Variants in BAZ1B observed in about 807,000 individuals in gnomAD.
BAZ1B encodes tyrosine-protein kinase BAZ1B.
BAZ1B carries 22 observed loss-of-function variants against 153.8 expected under a neutral mutation model. The ratio of observed to expected loss-of-function variants is 0.14; its 90% confidence interval spans 0.10 to 0.20. The LOEUF is 0.20. Among genes scored for constraint, BAZ1B ranks in the 10% least tolerant of loss-of-function variants. The pLI is 1.00. For missense variants in BAZ1B, 1,325 were observed against 1,799.3 expected (o/e 0.74, Z 4.77); for synonymous variants, 676 against 633.4 (o/e 1.07, Z -1.01).
intron 1 of BAZ1B, among the ~76,000 whole-genome samples, chr7:73,517,890 T>C (rs1007632815): frequency 1.3e-5 from 2 of 152,234 alleles, no homozygotes; most frequent in Non-Finnish European, 2.9e-5. Flanking sequence ...AAGTACTTGA[T>C]ATCCTGAAAA....
intron 6 of BAZ1B, among the ~76,000 whole-genome samples, 175 bp from the exon 7 acceptor site, chr7:73,478,744 T>C (rs1304819257): frequency 1.3e-5 from 2 of 152,232 alleles, no homozygotes; most frequent in Non-Finnish European, 2.9e-5. Flanking sequence ...GCTAATGTTT[T>C]TGTCATGTCA....
At chr7:73,492,640 A>G (rs1306476761) in intron 5 of BAZ1B, among the ~76,000 whole-genome samples, 160 bp downstream of exon 5, 1 of 152,258 alleles carries the variant, frequency 6.6e-6, no homozygotes, top group Non-Finnish European at 1.5e-5. Flanking sequence ...TATAATTTAC[A>G]TTAACTTGAA....
chr7:73,515,457 C>G lies in BAZ1B; in HGVS notation c.108-4605G>C, dbSNP rs142247352. Among the ~76,000 whole-genome samples, 350 of 151,664 alleles carry G rather than the reference C, an allele frequency of 2.3e-3. 2 individuals carry two copies. The highest frequency in any genetic ancestry group is 8.3e-3 in the African/African-American group (344 of 41,358). On this transcript the variant is annotated intron_variant, in intron 1 of 19. Coordinates refer to ENST00000339594, the MANE Select transcript of BAZ1B (RefSeq NM_032408.4). ...GGCTTAAAGTCATGATGTCTTCTAGCTCTTTCTTTGTGCCACTAGCAAACT... is the reference window on the plus strand; with the variant it reads ...GGCTTAAAGTCATGATGTCTTCTAGGTCTTTCTTTGTGCCACTAGCAAACT...
intron 7 of BAZ1B, among the ~76,000 whole-genome samples, chr7:73,472,784 G>C (rs1788858560): frequency 6.7e-6 from 1 of 149,804 alleles, no homozygotes; most frequent in Non-Finnish European, 1.5e-5. Flanking sequence ...TTGAGATGGA[G>C]TCTCGCTCTA....
Position 73,477,665 on chromosome 7 carries a change from G to T in BAZ1B, c.1796C>A (p.Pro599His). Residue 599 changes from proline (P) to histidine (H), a missense_variant, in exon 7 of 20, where the codon CCT becomes CAT. Physicochemically the swap from Pro to His is moderately conservative, Grantham distance 77 (BLOSUM62 -2). Transcript: ENST00000339594. The surrounding 1 kb of genome is among the most constrained non-coding windows in gnomAD (Gnocchi z 5.6). ...NLPAFRLVDT[P>H]EGLPNTLFGD... ...AAACAGCGTGTTGGGCAGCCCTTCA[G>T]GGGTATCCACCAATCTGAATGCTGG... 2 of 1,614,206 alleles carry T rather than the reference G, an allele frequency of 1.2e-6. No homozygotes were observed. The highest frequency in any genetic ancestry group is 1.7e-6 in the Non-Finnish European group (2 of 1,180,042).
At chr7:73,457,185 C>T (rs1788238506) in intron 13 of BAZ1B, among the ~76,000 whole-genome samples, 1 of 151,756 alleles carries the variant, frequency 6.6e-6, no homozygotes, top group Non-Finnish European at 1.5e-5. Context: ...GGTTGTTTTT[C>T]TTGTTTTTTT....
Position 73,465,430 on chromosome 7 carries a change from A to ACAG in BAZ1B, c.3071+8_3071+9insCTG. 6.5e-7 allele frequency: 1 copy of ACAG among 1,536,662 alleles called. No individual in the cohort carries two copies. Among genetic ancestry groups the ACAG allele is most frequent in the Non-Finnish European group, 8.9e-7 (1 of 1,129,840 alleles). On this transcript the variant is annotated intron_variant, in intron 11 of 19. Coordinates refer to ENST00000339594, the MANE Select transcript of BAZ1B (RefSeq NM_032408.4). ...GTAAGATGTGAGGAGTAAGATGAAA[A>ACAG]CCTCTTACCTCTTCTCTAGTCTCTC...
intron 13 of BAZ1B, among the ~76,000 whole-genome samples, chr7:73,455,057 T>A (rs1178975): frequency 0.013 from 1,904 of 148,658 alleles, 42 homozygotes; most frequent in African/African-American, 0.044. Context: ...CATTTTTTCT[T>A]TTTTTTTTTA....
intron 1 of BAZ1B, among the ~76,000 whole-genome samples, chr7:73,511,096 G>A (rs545839460): frequency 1.3e-3 from 199 of 151,364 alleles, no homozygotes; most frequent in African/African-American, 4.4e-3. Context: ...GTGAAACCCC[G>A]TGTCTACTAA....
intron 9 of BAZ1B, among the ~76,000 whole-genome samples, chr7:73,467,431 G>A (rs1273687684): frequency 2.0e-5 from 3 of 151,856 alleles, no homozygotes; most frequent in East Asian, 1.9e-4. Flanking sequence ...GTGCAGTGGC[G>A]CAATCTTGGC....
chr7:73,452,308 T>C (rs1007292117), intron 13 of BAZ1B, among the ~76,000 whole-genome samples: 6 of 152,232 alleles, frequency 3.9e-5, no homozygotes, highest in African/African-American at 7.2e-5. Flanking sequence ...TGAATAGACA[T>C]TGCACATGCT....
intron 3 of BAZ1B, among the ~76,000 whole-genome samples, chr7:73,504,563 C>G (rs1470623358): frequency 1.3e-5 from 2 of 152,034 alleles, no homozygotes; most frequent in African/African-American, 4.8e-5. Flanking sequence ...ACTTGGGAGG[C>G]TGAGGCAGGA....
chr7:73,511,261 G>A (rs1340704670), intron 1 of BAZ1B, among the ~76,000 whole-genome samples: 7 of 151,678 alleles, frequency 4.6e-5, no homozygotes, highest in South Asian at 2.1e-4. Flanking sequence ...GTGCGGCTCC[G>A]TCTCAAAAAC....
At chr7:73,476,735 C>T in intron 7 of BAZ1B, 133 bp downstream of exon 7, 1 of 1,390,900 alleles carries the variant, frequency 7.2e-7, no homozygotes, top group East Asian at 2.4e-5. Flanking sequence ...AAATAAAATA[C>T]ATACCAATAG....
At chr7:73,469,696 T>G (rs782033080) in intron 8 of BAZ1B, 46 bp from the exon 9 acceptor site, 11 of 1,605,566 alleles carry the variant, frequency 6.9e-6, no homozygotes, top group Admixed American at 3.3e-5. Context: ...TAGATCAGGA[T>G]TGCAGGATGA....
At position 73,466,363 on chromosome 7, in the gene BAZ1B, T is replaced by G. The variant is rs1554571163; in HGVS notation, c.2905A>C (p.Thr969Pro). 1 of 1,614,036 alleles carries G rather than the reference T, an allele frequency of 6.2e-7. No homozygotes were observed. The highest frequency in any genetic ancestry group is 1.7e-5 in the Admixed American group (1 of 60,024). The change falls in exon 10 of 20, where the codon ACA becomes CCA. Residue 969 changes from threonine to proline, a missense_variant. Around this residue, in one of 9 missense-constraint regions of BAZ1B, gnomAD observed 431 missense variants for 563.5 expected, o/e 0.76. Coordinates refer to ENST00000339594, the MANE Select transcript of BAZ1B (RefSeq NM_032408.4). ...ACTTCTGTTGCTGTTCCATGTTGTG[T>G]GTTCATGCTTGCATTTTTACCTAAG... is the stretch of plus-strand genomic sequence containing the variant. ...ANLGKNASMN[T>P]QHGTATEVAV...
chr7:73,512,706 C>T (rs782553625), intron 1 of BAZ1B, among the ~76,000 whole-genome samples: 17 of 152,334 alleles, frequency 1.1e-4, no homozygotes, highest in Non-Finnish European at 1.8e-4. Context: ...AGAAAATCAA[C>T]TGACATAAGT....
At position 73,444,030 on chromosome 7, in the gene BAZ1B, G is replaced by C; in HGVS notation, c.3944C>G (p.Ser1315Cys). ...ATCCACAGGTGGTGCCTTGGGCTGA[G>C]ACCTCCTGGTAGAGTGTGGCTTCTT... is the stretch of plus-strand genomic sequence containing the variant. The part of the protein sequence containing the change: ...PGKKPHSTRR[S>C]QPKAPPVDDA... Residue 1315 changes from serine (S) to cysteine (C), a missense_variant, in exon 17 of 20, where the codon TCT becomes TGT. Physicochemically the swap from Ser to Cys is moderately radical, Grantham distance 112 (BLOSUM62 -1). Coordinates refer to ENST00000339594, the MANE Select transcript of BAZ1B (RefSeq NM_032408.4). The C allele has an allele frequency of 6.2e-7, 1 of 1,613,916 alleles. No individual in the cohort carries two copies. The highest frequency in any genetic ancestry group is 8.5e-7 in the Non-Finnish European group (1 of 1,179,932).
rs782438733 is a variant in BAZ1B, at chr7:73,442,421, C to T, written c.4227G>A (p.Lys1409=). 3 of 1,614,248 alleles carry T rather than the reference C, an allele frequency of 1.9e-6. No homozygotes were observed. In the Admixed American group the frequency reaches 5.0e-5, roughly 27 times the overall value. The part of the protein sequence containing the change: ...RSVQEFLTDM[K]QVFTNAEVYN... ...AAACCTCAGCATTGGTAAACACTTGCTTCATGTCAGTAAGAAACTCCTGCA... is the reference window on the plus strand; with the variant it reads ...AAACCTCAGCATTGGTAAACACTTGTTTCATGTCAGTAAGAAACTCCTGCA... Residue 1409 remains lysine, a synonymous_variant, in exon 19 of 20, where the codon AAG becomes AAA. Coordinates refer to ENST00000339594, the MANE Select transcript of BAZ1B (RefSeq NM_032408.4).
Sources: allele counts gnomAD v4.1 joint callset (sites outside exome capture counted in the v4.1 genomes callset), GRCh38; gene constraint gnomAD v4.1.1; regional missense constraint gnomAD v4.1.1; non-coding constraint Gnocchi (gnomAD v3.1); transcripts MANE v1.5; gene names NCBI Gene and HGNC (gene_info 2026-07-23, HGNC 2026-07-21).